Variants in CTNNA2 observed in about 807,000 individuals in gnomAD.
CTNNA2 encodes the protein catenin alpha 2.
Under a neutral mutation model 101.0 loss-of-function variants are expected in CTNNA2, and 42 were observed. The ratio of observed to expected loss-of-function variants is 0.42; its 90% CI spans 0.32 to 0.54. The LOEUF is 0.54. Ranked by LOEUF, CTNNA2 falls within the 20% of genes least tolerant of loss-of-function variation. CTNNA2 has a pLI of 0.14. For synonymous variants in CTNNA2, 450 were observed against 456.4 expected, an observed-to-expected ratio of 0.99 and a Z score of 0.18; for missense variants, 871 against 1,223.1, an observed-to-expected ratio of 0.71 and a Z score of 4.29.
intron 3 of CTNNA2, among the ~76,000 whole-genome samples, chr2:79,349,769 G>A (rs1360594252): frequency 6.6e-6 from 1 of 152,154 alleles, no homozygotes; most frequent in Admixed American, 6.5e-5. Context: ...AAGACACCAA[G>A]TATTGAGAAA....
chr2:79,278,325 A>T (rs1197469198), intron 2 of CTNNA2, among the ~76,000 whole-genome samples: 1 of 152,138 alleles, frequency 6.6e-6, no homozygotes, highest in African/African-American at 2.4e-5. Flanking sequence ...AGTTTTCTGT[A>T]TTAATGAGGA....
At chr2:79,659,565 G>T (rs1172416886) in intron 2 of CTNNA2, among the ~76,000 whole-genome samples, 1 of 152,094 alleles carries the variant, frequency 6.6e-6, no homozygotes, top group Non-Finnish European at 1.5e-5. Flanking sequence ...TCTAATTCAT[G>T]TATAGTGTGA....
At chr2:79,276,516 G>A (rs990861615) in intron 2 of CTNNA2, among the ~76,000 whole-genome samples, 2 of 152,016 alleles carry the variant, frequency 1.3e-5, no homozygotes, top group African/African-American at 4.8e-5. Context: ...GTTACCTGAA[G>A]TCTATTTTGT....
chr2:80,274,569 T>A (rs970804709), intron 7 of CTNNA2, among the ~76,000 whole-genome samples: 1 of 152,216 alleles, frequency 6.6e-6, no homozygotes, highest in Non-Finnish European at 1.5e-5. Context: ...TCCAGAAATA[T>A]CTTCCTAAAG....
rs779900741 is a variant in CTNNA2, at chr2:80,303,504, C to G, written c.1057-89707C>G. On this transcript the variant is annotated intron_variant, in intron 7 of 18. Transcript: ENST00000402739. The surrounding 1 kb of genome is among the most constrained non-coding windows in gnomAD (Gnocchi z 7.7). ...CGGCGCAGTTTCTGAAAGGCGTCCCCCTGCACGGAGCAGATGTGATTGTGA... is the reference window on the plus strand; with the variant it reads ...CGGCGCAGTTTCTGAAAGGCGTCCCGCTGCACGGAGCAGATGTGATTGTGA... 1 of 1,614,234 alleles carries G rather than the reference C, an allele frequency of 6.2e-7. No homozygotes were observed. Among genetic ancestry groups the G allele is most frequent in the South Asian group, 1.1e-5 (1 of 91,088 alleles).
chr2:79,951,230 T>C (rs760944935), intron 7 of CTNNA2, among the ~76,000 whole-genome samples: 1 of 152,206 alleles, frequency 6.6e-6, no homozygotes, highest in Non-Finnish European at 1.5e-5. Context: ...ATTAGAATAA[T>C]CTGTGGGACT....
chr2:80,337,239 C>T (rs1039260490), intron 7 of CTNNA2, among the ~76,000 whole-genome samples: 36 of 152,144 alleles, frequency 2.4e-4, no homozygotes, highest in African/African-American at 1.7e-4. Context: ...CCTGTAGTCC[C>T]GGCTACTCTG....
At chr2:79,584,816 G>C (rs191040310) in intron 1 of CTNNA2, among the ~76,000 whole-genome samples, 3 of 152,096 alleles carry the variant, frequency 2.0e-5, no homozygotes, top group African/African-American at 7.2e-5. Flanking sequence ...CACCGCACCC[G>C]GCGCAAGCAG....
intron 1 of CTNNA2, among the ~76,000 whole-genome samples, chr2:79,598,560 C>T (rs1043818001): frequency 1.3e-5 from 2 of 152,164 alleles, no homozygotes; most frequent in South Asian, 2.1e-4. Context: ...TGATGACATA[C>T]GATGTGGAGC....
At chr2:79,362,924 C>T (rs1432759816) in intron 3 of CTNNA2, among the ~76,000 whole-genome samples, 3 of 152,146 alleles carry the variant, frequency 2.0e-5, no homozygotes, top group Non-Finnish European at 4.4e-5. Flanking sequence ...GTTAGCCTAT[C>T]CTAACAGATA....
chr2:80,262,997 A>G (rs1672733052), intron 7 of CTNNA2, among the ~76,000 whole-genome samples: 1 of 152,216 alleles, frequency 6.6e-6, no homozygotes, highest in South Asian at 2.1e-4. Context: ...AACGTGCCAG[A>G]ACGGAATTAT....
intron 3 of CTNNA2, among the ~76,000 whole-genome samples, chr2:79,325,237 A>C (rs1573079209): frequency 6.6e-6 from 1 of 152,168 alleles, no homozygotes; most frequent in African/African-American, 2.4e-5. Context: ...TTATCCCCAA[A>C]GCTTCCTAAG....
chr2:79,746,792 T>G (rs1671681905), intron 3 of CTNNA2, among the ~76,000 whole-genome samples: 1 of 152,238 alleles, frequency 6.6e-6, no homozygotes, highest in African/African-American at 2.4e-5. Context: ...TACTTTTTAA[T>G]GGGTTCTTTC....
intron 9 of CTNNA2, among the ~76,000 whole-genome samples, chr2:80,516,441 A>G (rs1689115137): frequency 6.6e-6 from 1 of 151,834 alleles, no homozygotes; most frequent in Non-Finnish European, 1.5e-5. Context: ...TACTTGTCTC[A>G]CCCTACACAG....
intron 2 of CTNNA2, among the ~76,000 whole-genome samples, chr2:79,298,877 T>C (rs762870010): frequency 3.9e-5 from 6 of 152,248 alleles, no homozygotes; most frequent in African/African-American, 9.6e-5. Flanking sequence ...AGTTGGTTGC[T>C]AAACAGCCTT....
intron 2 of CTNNA2, among the ~76,000 whole-genome samples, chr2:79,740,901 G>A (rs1009547146): frequency 2.2e-4 from 34 of 152,002 alleles, no homozygotes; most frequent in African/African-American, 8.2e-4. Context: ...AGATAGAACT[G>A]AAGTAGATGA....
intron 7 of CTNNA2, among the ~76,000 whole-genome samples, chr2:80,090,166 G>C (rs867785930): frequency 0.24 from 35,994 of 150,490 alleles, 4,978 homozygotes; most frequent in East Asian, 0.52. Context: ...GTGTGTGTGT[G>C]TGTGTGTGTG....
chr2:80,010,885 C>G (rs540751637), intron 7 of CTNNA2, among the ~76,000 whole-genome samples: 44 of 152,028 alleles, frequency 2.9e-4, no homozygotes, highest in Non-Finnish European at 5.1e-4. Context: ...AAAATTCATA[C>G]AAAAATTGAA....
intron 1 of CTNNA2, among the ~76,000 whole-genome samples, chr2:79,596,218 G>T (rs1677178320): frequency 6.6e-6 from 1 of 151,952 alleles, no homozygotes; most frequent in Non-Finnish European, 1.5e-5. Flanking sequence ...ACGCTGCCTG[G>T]AACTTAGCAG....
Sources: gnomAD v4.1 joint callset for allele counts (sites outside exome capture counted in the v4.1 genomes callset) on GRCh38, gnomAD v4.1.1 for gene constraint, Gnocchi (gnomAD v3.1) non-coding constraint, MANE v1.5 for transcripts, NCBI Gene and HGNC (gene_info 2026-07-23, HGNC 2026-07-21) for gene names.